The following RAB11FIP4 variants were observed in gnomAD, a reference collection of about 807,000 sequenced individuals.
The protein encoded by RAB11FIP4 is RAB11 family interacting protein 4.
A neutral mutation model predicts 74.3 loss-of-function variants in RAB11FIP4; 23 were observed. The observed-to-expected ratio is 0.31, with a 90% CI of 0.22 to 0.44. The LOEUF (loss-of-function observed/expected upper bound fraction) is 0.44, where lower values mean the gene tolerates loss of function less well. Among genes scored for constraint, RAB11FIP4 ranks in the 20% least tolerant of loss-of-function variants. The pLI, the probability that RAB11FIP4 is intolerant of heterozygous loss-of-function variation, is 1.00. For synonymous variants in RAB11FIP4, 360 were observed against 359.9 expected, an observed-to-expected ratio of 1.00 and a Z score of 0.00; for missense variants, 630 against 863.9, an observed-to-expected ratio of 0.73 and a Z score of 3.39.
chr17:31,528,423 T>A lies in RAB11FIP4; in HGVS notation c.1374T>A (p.Ser458=). Residue 458 remains serine (S), a synonymous_variant, in exon 12 of 15, where the codon TCT becomes TCA. Transcript: ENST00000621161. Reference sequence around the variant, plus strand: ...TGCTCCAGGAGCGGCAGCGCATGTCTGACCGTCTGGAGGACACCAGCCTGC... The same window carrying A: ...TGCTCCAGGAGCGGCAGCGCATGTCAGACCGTCTGGAGGACACCAGCCTGC... The part of the protein sequence containing the change: ...EKLDEERQRM[S]DRLEDTSLRL... 1 of 1,612,960 alleles carries A rather than the reference T, an allele frequency of 6.2e-7. No homozygotes were observed. The highest frequency in any genetic ancestry group is 1.3e-5 in the African/African-American group (1 of 75,064).
chr17:31,523,664 A>G, intron 8 of RAB11FIP4, 53 bp downstream of exon 8: 1 of 1,515,330 alleles, frequency 6.6e-7, no homozygotes, highest in Non-Finnish European at 9.2e-7. Flanking sequence ...CTCCCAGGGG[A>G]GATGGGGTGC....
intron 3 of RAB11FIP4, among the ~76,000 whole-genome samples, chr17:31,460,030 T>G (rs2142715397): frequency 6.6e-6 from 1 of 152,288 alleles, no homozygotes; most frequent in African/African-American, 2.4e-5. Context: ...GAAAAAGCCC[T>G]GCTGCCTTCC....
intron 3 of RAB11FIP4, among the ~76,000 whole-genome samples, chr17:31,497,288 C>T (rs566662071): frequency 1.3e-4 from 20 of 152,180 alleles, no homozygotes; most frequent in Admixed American, 6.5e-4. Flanking sequence ...CGCTGGAACC[C>T]GGAAGGCAGA....
intron 1 of RAB11FIP4, among the ~76,000 whole-genome samples, chr17:31,416,109 G>A (rs1051760869): frequency 3.3e-5 from 5 of 152,208 alleles, no homozygotes; most frequent in Admixed American, 6.5e-5. Context: ...CTCGGCATGC[G>A]ACCTGTGCAG....
chr17:31,458,919 A>T (rs2071607004), intron 3 of RAB11FIP4, among the ~76,000 whole-genome samples: 1 of 152,190 alleles, frequency 6.6e-6, no homozygotes, highest in South Asian at 2.1e-4. Flanking sequence ...CTGTGGCTAC[A>T]TGCACAGTCA....
At chr17:31,523,274 G>A in intron 7 of RAB11FIP4, 2 of 568,722 alleles carry the variant, frequency 3.5e-6, no homozygotes, top group South Asian at 2.0e-5. Flanking sequence ...AGGAGAAGCT[G>A]TGCGTCATTG....
At chr17:31,398,462 G>A (rs946144197) in intron 1 of RAB11FIP4, among the ~76,000 whole-genome samples, 2 of 152,140 alleles carry the variant, frequency 1.3e-5, no homozygotes, top group East Asian at 3.8e-4. Context: ...ACCGTGCCAT[G>A]GGGGGTGGGG....
In RAB11FIP4 at chr17:31,512,514, G is replaced by T. The variant is rs535941422; in HGVS notation, c.337-5137G>T. 7.2e-5 allele frequency among the ~76,000 whole-genome samples: 11 copies of T among 152,166 alleles called. No homozygotes were observed. Among genetic ancestry groups the T allele is most frequent in the Non-Finnish European group, 1.3e-4 (9 of 68,008 alleles). On this transcript the variant is annotated intron_variant, in intron 3 of 14. Coordinates refer to ENST00000621161, the MANE Select transcript of RAB11FIP4 (RefSeq NM_032932.6). This position sits in a 1 kb window ranked among gnomAD's most constrained non-coding sequence, Gnocchi z 4.1. ...GCTCTCTCCCTTCACCCCGGGGTCC[G>T]CTGGCAGGTGGAAGAAAGCCTGGGG... is the stretch of plus-strand genomic sequence containing the variant.
intron 1 of RAB11FIP4, among the ~76,000 whole-genome samples, chr17:31,402,348 G>T (rs2070995158): frequency 6.6e-6 from 1 of 152,198 alleles, no homozygotes; most frequent in South Asian, 2.1e-4. Flanking sequence ...AAAGGACAGG[G>T]AGGGCAGGGA....
In RAB11FIP4 at chr17:31,401,279, A is replaced by G. The variant is rs1195024903; in HGVS notation, c.159+9268A>G. ...ACAGCGAGACTCTGTCTAATTAAAAAAAAAAAAAAATGCCAGGCTTGCCCC... is the reference window on the plus strand; with the variant it reads ...ACAGCGAGACTCTGTCTAATTAAAAGAAAAAAAAAATGCCAGGCTTGCCCC... On this transcript the variant is annotated intron_variant, in intron 1 of 14. Transcript: ENST00000621161. Among the ~76,000 whole-genome samples the G allele has an allele frequency of 2.6e-5, 4 of 152,084 alleles. No homozygotes were observed. The East Asian group carries it at 7.7e-4, about 29-fold the overall frequency.
chr17:31,416,111 C>A (rs753055397), intron 1 of RAB11FIP4, among the ~76,000 whole-genome samples: 7 of 152,198 alleles, frequency 4.6e-5, no homozygotes, highest in Admixed American at 4.6e-4. Flanking sequence ...CGGCATGCGA[C>A]CTGTGCAGTC....
intron 1 of RAB11FIP4, among the ~76,000 whole-genome samples, chr17:31,397,368 A>G (rs937729230): frequency 1.3e-5 from 2 of 152,164 alleles, no homozygotes; most frequent in Admixed American, 1.3e-4. Context: ...TAACTTGGGC[A>G]GTGGCGGGGG....
At chr17:31,399,186 T>G (rs1371121006) in intron 1 of RAB11FIP4, among the ~76,000 whole-genome samples, 1 of 152,024 alleles carries the variant, frequency 6.6e-6, no homozygotes, top group Non-Finnish European at 1.5e-5. Context: ...CCAGGAACAG[T>G]GCAGAAGGGG....
At chr17:31,406,907 T>A (rs1303201132) in intron 1 of RAB11FIP4, among the ~76,000 whole-genome samples, 1 of 152,156 alleles carries the variant, frequency 6.6e-6, no homozygotes, top group Non-Finnish European at 1.5e-5. Context: ...TCTGATTATA[T>A]CTATCACTTC....
At chr17:31,439,959 A>T (rs1357294068) in intron 3 of RAB11FIP4, among the ~76,000 whole-genome samples, 4 of 152,128 alleles carry the variant, frequency 2.6e-5, no homozygotes. Context: ...TATCCTGATT[A>T]TCAATCTTTA....
chr17:31,439,813 T>A (rs946715403), intron 3 of RAB11FIP4, among the ~76,000 whole-genome samples: 1 of 152,154 alleles, frequency 6.6e-6, no homozygotes, highest in Non-Finnish European at 1.5e-5. Context: ...GTTTGTTTTG[T>A]TTTTGGTAGA....
At chr17:31,525,931 G>C (rs1456049410) in intron 10 of RAB11FIP4, 2 of 152,232 alleles carry the variant, frequency 1.3e-5, no homozygotes, top group Admixed American at 6.5e-5. Context: ...TGAGGCCCCA[G>C]TCTCCATGCT....
chr17:31,472,755 A>C (rs747591447), intron 3 of RAB11FIP4, among the ~76,000 whole-genome samples: 10 of 151,674 alleles, frequency 6.6e-5, no homozygotes, highest in Non-Finnish European at 1.5e-4. Context: ...GATGGAGGCC[A>C]GGCATGGTGG....
At chr17:31,474,563 C>T (rs1224732727) in intron 3 of RAB11FIP4, among the ~76,000 whole-genome samples, 1 of 151,288 alleles carries the variant, frequency 6.6e-6, no homozygotes, top group African/African-American at 2.4e-5. Context: ...TCCAGCTACT[C>T]GGGGCTGAGG....
Sources: allele counts gnomAD v4.1 joint callset (sites outside exome capture counted in the v4.1 genomes callset), GRCh38; gene constraint gnomAD v4.1.1; non-coding constraint Gnocchi (gnomAD v3.1); transcripts MANE v1.5; gene names NCBI Gene and HGNC (gene_info 2026-07-23, HGNC 2026-07-21).